Variants in LDLRAD4 observed in about 807,000 individuals in gnomAD.
The protein encoded by LDLRAD4 is low-density lipoprotein receptor class A domain-containing protein 4.
Under a neutral mutation model 17.0 loss-of-function variants are expected in LDLRAD4, and 5 were observed. That is an observed-to-expected ratio of 0.29 (90% CI 0.15 to 0.62). The LOEUF is 0.62. LDLRAD4 is among the 20% of genes least tolerant of loss of function. The pLI is 0.84. For missense variants in LDLRAD4, 340 were observed against 424.7 expected (o/e 0.80, Z 1.75); for synonymous variants, 168 against 171.8 (o/e 0.98, Z 0.17).
intron 3 of LDLRAD4, among the ~76,000 whole-genome samples, chr18:13,599,712 C>T (rs1345699686): frequency 6.6e-6 from 1 of 151,938 alleles, no homozygotes; most frequent in African/African-American, 2.4e-5. Context: ...AGGATGGTCT[C>T]GATCTCCTGA....
chr18:13,292,799 A>G (rs796205810), intron 1 of LDLRAD4, among the ~76,000 whole-genome samples: 31 of 152,204 alleles, frequency 2.0e-4, no homozygotes, highest in African/African-American at 7.2e-4. Flanking sequence ...GGAGATCAAC[A>G]CTCCTGATAC....
At chr18:13,597,856 C>A (rs1387265942) in intron 3 of LDLRAD4, among the ~76,000 whole-genome samples, 1 of 152,116 alleles carries the variant, frequency 6.6e-6, no homozygotes. Flanking sequence ...ACCAGGCATT[C>A]CATTTGGTTT....
intron 3 of LDLRAD4, among the ~76,000 whole-genome samples, chr18:13,495,248 G>C (rs546274736): frequency 1.3e-5 from 2 of 152,200 alleles, no homozygotes; most frequent in Non-Finnish European, 2.9e-5. Context: ...CGCTCCCTGC[G>C]TGGGGAGGTG....
upstream of LDLRAD4, among the ~76,000 whole-genome samples, chr18:13,277,104 C>T (rs2044924459): frequency 1.3e-5 from 2 of 152,244 alleles, no homozygotes; most frequent in Admixed American, 6.5e-5. Flanking sequence ...GGTAGAGCTC[C>T]GCAGGAATCT....
intron 3 of LDLRAD4, chr18:13,520,958 G>A (rs2093944296): frequency 6.6e-6 from 1 of 152,164 alleles, no homozygotes; most frequent in Admixed American, 6.5e-5. Flanking sequence ...CCCCACCCTC[G>A]GCACCTCTTG....
chr18:13,611,548 G>A, intron 3 of LDLRAD4: 1 of 985,364 alleles, frequency 1.0e-6, no homozygotes, highest in Non-Finnish European at 1.2e-6. Context: ...AAAAGAGACT[G>A]TGCTTGAACA....
intron 1 of LDLRAD4, among the ~76,000 whole-genome samples, chr18:13,320,993 C>G (rs1484385448): frequency 6.6e-6 from 1 of 152,194 alleles, no homozygotes; most frequent in Non-Finnish European, 1.5e-5. Flanking sequence ...CATGAATGCA[C>G]TGTTTCAGTG....
At chr18:13,564,775 C>A (rs544967193) in intron 3 of LDLRAD4, among the ~76,000 whole-genome samples, 51 of 152,200 alleles carry the variant, frequency 3.4e-4, no homozygotes, top group African/African-American at 1.1e-3. Context: ...TCCAGCCCTC[C>A]CGTGATGATT....
At chr18:13,589,971 G>A (rs1318685384) in intron 3 of LDLRAD4, among the ~76,000 whole-genome samples, 1 of 152,118 alleles carries the variant, frequency 6.6e-6, no homozygotes, top group African/African-American at 2.4e-5. Context: ...GAGTGGGTGT[G>A]CATGTGTGTG....
intron 3 of LDLRAD4, among the ~76,000 whole-genome samples, chr18:13,563,967 A>G (rs1293688): frequency 0.87 from 133,111 of 152,194 alleles, 60,194 homozygotes; most frequent in South Asian, 0.99. Context: ...GTGTGATGGT[A>G]TAATTATAGC....
chr18:13,281,989 G>A lies in LDLRAD4; in HGVS notation c.-383+3801G>A, dbSNP rs565555626. 2.6e-5 allele frequency among the ~76,000 whole-genome samples: 4 copies of A among 152,326 alleles called. No homozygotes were observed. The South Asian group carries it at 6.2e-4, about 24-fold the overall frequency. On this transcript the variant is annotated intron_variant, in intron 1 of 5. Transcript: ENST00000359446. ...GGGAGGCCTCAGAATCATGACGGGA[G>A]GCGAAAGGCACTTCTTACATGGCGG...
At chr18:13,450,328 C>A (rs551456813) in intron 3 of LDLRAD4, among the ~76,000 whole-genome samples, 2 of 112,400 alleles carry the variant, frequency 1.8e-5, no homozygotes, top group Non-Finnish European at 3.9e-5. Flanking sequence ...CTCCCCCCAC[C>A]CCCCCCCCCA....
rs1226216240 is a variant in LDLRAD4 at position 13,645,937 on chromosome 18, G to A, written c.*280G>A. 1 of 315,844 alleles carries A rather than the reference G, an allele frequency of 3.2e-6. No homozygotes were observed. Among genetic ancestry groups the A allele is most frequent in the African/African-American group, 2.1e-5 (1 of 46,888 alleles). The allele number at this position is 315,844 out of a possible 1,614,324, so 19.6% of individuals were successfully genotyped here. ...GGGAAAACAGAGAACGGGATGCTTT[G>A]AAGATACCATGAAATAAAACCCACA... On this transcript the variant is annotated 3_prime_UTR_variant, in exon 6 of 6. Coordinates refer to ENST00000359446, the Ensembl canonical transcript of LDLRAD4. The surrounding 1 kb of genome is among the most constrained non-coding windows in gnomAD (Gnocchi z 5.7).
intron 4 of LDLRAD4, among the ~76,000 whole-genome samples, chr18:13,624,152 G>A (rs930254087): frequency 6.6e-6 from 1 of 152,042 alleles, no homozygotes; most frequent in African/African-American, 2.4e-5. Context: ...CGGAGGAGCC[G>A]GCCCCACCAG....
chr18:13,247,906 T>C (rs972491908), intron 1 of LDLRAD4, among the ~76,000 whole-genome samples: 1 of 151,540 alleles, frequency 6.6e-6, no homozygotes, highest in Admixed American at 6.6e-5. Flanking sequence ...TATTGTTCAG[T>C]GTGACCCAGT....
exon 6 of LDLRAD4, chr18:13,651,529 A>G (rs1297158793): frequency 6.6e-6 from 1 of 152,246 alleles, no homozygotes; most frequent in Non-Finnish European, 1.5e-5. Flanking sequence ...GCCATCAGTT[A>G]GAAATTACGT....
At chr18:13,438,262 C>T (rs2090795622) in exon 3 of LDLRAD4, 1 of 1,613,998 alleles carries the variant, frequency 6.2e-7, no homozygotes, top group Non-Finnish European at 8.5e-7. Context: ...TTCACCTGCA[C>T]CAGTGGTAAA....
chr18:13,348,156 T>G (rs2082810599), intron 1 of LDLRAD4, among the ~76,000 whole-genome samples: 1 of 152,214 alleles, frequency 6.6e-6, no homozygotes, highest in African/African-American at 2.4e-5. Context: ...CTCTGATTTT[T>G]AGAATTTTCA....
intron 1 of LDLRAD4, among the ~76,000 whole-genome samples, chr18:13,231,174 A>T (rs926420578): frequency 2.6e-5 from 4 of 152,082 alleles, no homozygotes. Flanking sequence ...AGGCGTATAG[A>T]TGTCTATGGG....
Sources: allele counts gnomAD v4.1 joint callset (sites outside exome capture counted in the v4.1 genomes callset), GRCh38; gene constraint gnomAD v4.1.1; non-coding constraint Gnocchi (gnomAD v3.1); transcripts MANE v1.5; gene names NCBI Gene and HGNC (gene_info 2026-07-23, HGNC 2026-07-21).